SLC25A48: variants seen among roughly 807,000 people sequenced by gnomAD.
SLC25A48 encodes the protein solute carrier family 25 member 48.
A neutral mutation model predicts 32.2 loss-of-function variants in SLC25A48; 29 were observed. The ratio of observed to expected loss-of-function variants is 0.90; its 90% CI spans 0.67 to 1.23. The LOEUF (loss-of-function observed/expected upper bound fraction) is 1.23, where lower values mean the gene tolerates loss of function less well. Ranked by LOEUF, SLC25A48 falls within the 50% of genes most tolerant of loss-of-function variation. The pLI, the probability that SLC25A48 is intolerant of heterozygous loss-of-function variation, is 0.00. For missense variants in SLC25A48, 399 were observed against 422.7 expected, an observed-to-expected ratio of 0.94 and a Z score of 0.49; for synonymous variants, 164 against 172.3, an observed-to-expected ratio of 0.95 and a Z score of 0.38.
At chr5:135,740,825 A>C (rs1258936876) in intron 3 of SLC25A48, among the ~76,000 whole-genome samples, 1 of 152,194 alleles carries the variant, frequency 6.6e-6, no homozygotes, top group Non-Finnish European at 1.5e-5. Flanking sequence ...CATTCTTGGC[A>C]TTCACTGCAA....
rs546584496 is a variant in SLC25A48, at chr5:135,737,331, C to T, written c.-520-75192C>T. Among the ~76,000 whole-genome samples, 109 of 152,032 alleles carry T rather than the reference C, an allele frequency of 7.2e-4. No homozygotes were observed. The South Asian group carries it at 0.019, about 26-fold the overall frequency. On this transcript the variant is annotated intron_variant, in intron 3 of 10. Transcript: ENST00000646290. The stretch of plus-strand genomic sequence containing the variant: ...GGGGAGACTTTGAGCCAGGATGAGC[C>T]GGGAGAAGGAATTTCACAAGGTAGT...
chr5:135,762,626 G>A (rs1756089706), intron 3 of SLC25A48, among the ~76,000 whole-genome samples: 1 of 152,124 alleles, frequency 6.6e-6, no homozygotes, highest in African/African-American at 2.4e-5. Context: ...CACAGTGAGT[G>A]TGCGGGTAAC....
chr5:135,721,245 A>G (rs1446862787), intron 3 of SLC25A48, among the ~76,000 whole-genome samples: 1 of 83,310 alleles, frequency 1.2e-5, no homozygotes, highest in Non-Finnish European at 2.6e-5. Context: ...TCTGTCGCCC[A>G]GGCTGGAGTA....
intron 3 of SLC25A48, among the ~76,000 whole-genome samples, chr5:135,733,157 T>G (rs1755271875): frequency 1.3e-5 from 2 of 152,134 alleles, no homozygotes. Flanking sequence ...GAGTTTGGCT[T>G]GTTGAGAGGT....
At chr5:135,742,176 C>T (rs934449317) in intron 3 of SLC25A48, among the ~76,000 whole-genome samples, 2 of 152,168 alleles carry the variant, frequency 1.3e-5, no homozygotes, top group East Asian at 3.9e-4. Flanking sequence ...ACCTCCTGGG[C>T]TCCAGTGATT....
intron 3 of SLC25A48, among the ~76,000 whole-genome samples, chr5:135,696,049 C>T (rs1385060648): frequency 6.6e-6 from 1 of 152,196 alleles, no homozygotes; most frequent in African/African-American, 2.4e-5. Flanking sequence ...GTGTCATCAC[C>T]CACAAATGGG....
chr5:135,673,424 A>C (rs1411908803), intron 3 of SLC25A48, among the ~76,000 whole-genome samples: 1 of 152,158 alleles, frequency 6.6e-6, no homozygotes, highest in Non-Finnish European at 1.5e-5. Context: ...ATTCTTGTGA[A>C]AGTGTAGTGG....
At chr5:135,884,338 G>A (rs546579339) in intron 7 of SLC25A48, among the ~76,000 whole-genome samples, 2 of 152,268 alleles carry the variant, frequency 1.3e-5, no homozygotes, top group East Asian at 3.9e-4. Flanking sequence ...AGGGTTCCAT[G>A]CTTGAAATAA....
chr5:135,766,793 G>A (rs908638172), intron 3 of SLC25A48, among the ~76,000 whole-genome samples: 1 of 151,790 alleles, frequency 6.6e-6, no homozygotes, highest in Admixed American at 6.6e-5. Context: ...GTGGGAGAGG[G>A]TGATATTACT....
At chr5:135,732,217 G>A (rs1358998768) in intron 3 of SLC25A48, among the ~76,000 whole-genome samples, 4 of 152,156 alleles carry the variant, frequency 2.6e-5, no homozygotes, top group South Asian at 2.1e-4. Flanking sequence ...ATTGAGGACC[G>A]TAAGGGGTGT....
chr5:135,761,305 C>G (rs1191606968), intron 3 of SLC25A48, among the ~76,000 whole-genome samples: 1 of 152,028 alleles, frequency 6.6e-6, no homozygotes, highest in African/African-American at 2.4e-5. Flanking sequence ...AGACCAAGAC[C>G]CAACCGCATG....
exon 1 of SLC25A48, chr5:135,579,597 G>T: frequency 6.6e-6 from 1 of 152,488 alleles, no homozygotes; most frequent in Non-Finnish European, 1.5e-5. Flanking sequence ...ACTCAAAGAG[G>T]GTATGTGTGT....
At chr5:135,663,867 A>G (rs1224759033) in intron 3 of SLC25A48, among the ~76,000 whole-genome samples, 2 of 152,138 alleles carry the variant, frequency 1.3e-5, no homozygotes, top group Non-Finnish European at 2.9e-5. Context: ...CTCCCATGGA[A>G]TCTGCACTGG....
chr5:135,723,362 ACTCT>A lies in SLC25A48; in HGVS notation c.-521+88422_-521+88425del, dbSNP rs1159449010. 3.5e-3 allele frequency among the ~76,000 whole-genome samples: 303 copies of A among 87,016 alleles called. 1 individual carries two copies. Among genetic ancestry groups the A allele is most frequent in the African/African-American group, 1.0e-2 (290 of 29,072 alleles). The allele number at this position is 87,016 out of a possible 152,430, so 57.1% of individuals were successfully genotyped here. ...TCCAGTGGAAGGGAGTCTGTCTCTC[ACTCT>A]CTCTCTCTCTCTCTCACACACACAC... is the stretch of plus-strand genomic sequence containing the variant. On this transcript the variant is annotated intron_variant, in intron 3 of 10. Coordinates refer to the SLC25A48 transcript ENST00000646290.
At chr5:135,601,874 C>T (rs940580780) in intron 1 of SLC25A48, among the ~76,000 whole-genome samples, 5 of 152,332 alleles carry the variant, frequency 3.3e-5, no homozygotes, top group Non-Finnish European at 7.3e-5. Flanking sequence ...TCAGTGACCC[C>T]GGGTGGTCAC....
chr5:135,834,556 C>T (rs769233475), upstream of SLC25A48: 4 of 454,332 alleles, frequency 8.8e-6, no homozygotes, highest in Non-Finnish European at 1.6e-5. Flanking sequence ...ACTTGATGAC[C>T]CTTGCCTCTT....
Position 135,711,176 on chromosome 5 carries a change from C to A in SLC25A48, c.-521+76220C>A, listed in dbSNP as rs139491457. On this transcript the variant is annotated intron_variant, in intron 3 of 10. Coordinates refer to the SLC25A48 transcript ENST00000646290. ...GGACTTTCTGTGAGAGAGAAATAAACCTCTTCTGCATGAAGCCATTGAGAT... is the reference window on the plus strand; with the variant it reads ...GGACTTTCTGTGAGAGAGAAATAAAACTCTTCTGCATGAAGCCATTGAGAT... Among the ~76,000 whole-genome samples, 508 of 152,292 alleles carry A rather than the reference C, an allele frequency of 3.3e-3. 3 individuals carry two copies. The highest frequency in any genetic ancestry group is 0.011 in the African/African-American group (462 of 41,562).
intron 3 of SLC25A48, chr5:135,648,879 G>C (rs1753034056): frequency 6.6e-6 from 1 of 152,286 alleles, no homozygotes; most frequent in African/African-American, 2.4e-5. Context: ...GAGAAGACAA[G>C]GCACTAGCTG....
At chr5:135,800,876 G>A (rs1404264613) in intron 3 of SLC25A48, among the ~76,000 whole-genome samples, 1 of 150,368 alleles carries the variant, frequency 6.7e-6, no homozygotes, top group Non-Finnish European at 1.5e-5. Flanking sequence ...AGGGGGAGAG[G>A]ATGATATCAC....
Sources: gnomAD v4.1 joint callset for allele counts (sites outside exome capture counted in the v4.1 genomes callset) on GRCh38, gnomAD v4.1.1 for gene constraint, MANE v1.5 for transcripts, NCBI Gene and HGNC (gene_info 2026-07-23, HGNC 2026-07-21) for gene names.